SLC8A1: variants seen among roughly 807,000 people sequenced by gnomAD.
The protein encoded by SLC8A1 is sodium/calcium exchanger 1.
A neutral mutation model predicts 68.3 loss-of-function variants in SLC8A1; 18 were observed. That is an observed-to-expected ratio of 0.26 (90% CI 0.18 to 0.39). The LOEUF (loss-of-function observed/expected upper bound fraction) is 0.39. Ranked by LOEUF, SLC8A1 falls within the 10% of genes least tolerant of loss-of-function variation. SLC8A1 has a pLI of 1.00. For missense variants in SLC8A1, 985 were observed against 1,156.7 expected, an observed-to-expected ratio of 0.85 and a Z score of 2.15; for synonymous variants, 475 against 415.5, an observed-to-expected ratio of 1.14 and a Z score of -1.74.
At chr2:40,099,541 C>T (rs2033773531) in exon 8 of SLC8A1, 3 of 151,988 alleles carry the variant, frequency 2.0e-5, no homozygotes, top group African/African-American at 7.2e-5. Flanking sequence ...TTTTTGCCTC[C>T]CTTCTACCTG....
At chr2:40,498,502 A>G (rs1222659036) in intron 1 of SLC8A1, among the ~76,000 whole-genome samples, 2 of 152,114 alleles carry the variant, frequency 1.3e-5, no homozygotes, top group Admixed American at 1.3e-4. Context: ...GGGATCTAAA[A>G]CCTATCAGAC....
intron 2 of SLC8A1, among the ~76,000 whole-genome samples, chr2:40,245,036 G>A (rs1245096273): frequency 1.3e-5 from 2 of 152,156 alleles, no homozygotes; most frequent in Non-Finnish European, 2.9e-5. Flanking sequence ...TTACATAAAT[G>A]GCTATGTTAA....
At chr2:40,216,829 G>A (rs181948237) in intron 2 of SLC8A1, among the ~76,000 whole-genome samples, 18 of 152,180 alleles carry the variant, frequency 1.2e-4, no homozygotes, top group Admixed American at 7.9e-4. Context: ...CAGATCCTTC[G>A]CCCACTTTTT....
intron 6 of SLC8A1, among the ~76,000 whole-genome samples, chr2:40,144,360 C>G (rs931041075): frequency 6.6e-6 from 1 of 152,106 alleles, no homozygotes; most frequent in South Asian, 2.1e-4. Flanking sequence ...ATATGAAGAT[C>G]CTGAAGTTCA....
intron 2 of SLC8A1, among the ~76,000 whole-genome samples, chr2:40,398,877 C>A (rs1687825680): frequency 1.3e-5 from 2 of 152,194 alleles, no homozygotes; most frequent in South Asian, 4.1e-4. Context: ...TAGGAAGAAG[C>A]AACAGATTCT....
intron 2 of SLC8A1, among the ~76,000 whole-genome samples, chr2:40,253,250 T>C (rs924985940): frequency 4.0e-5 from 6 of 149,966 alleles, no homozygotes; most frequent in Non-Finnish European, 8.9e-5. Context: ...TATATACACA[T>C]ATGTATACAT....
intron 2 of SLC8A1, among the ~76,000 whole-genome samples, chr2:40,240,868 T>C (rs1296369527): frequency 2.0e-5 from 3 of 152,132 alleles, no homozygotes; most frequent in Non-Finnish European, 4.4e-5. Context: ...GACAGAATGA[T>C]ACCCCGACTC....
intron 1 of SLC8A1, among the ~76,000 whole-genome samples, chr2:40,491,654 A>G (rs1705322653): frequency 6.6e-6 from 1 of 152,124 alleles, no homozygotes; most frequent in South Asian, 2.1e-4. Context: ...GATACGTCCC[A>G]TCAATACCTA....
intron 1 of SLC8A1, among the ~76,000 whole-genome samples, chr2:40,472,896 G>A (rs1704072889): frequency 6.6e-6 from 1 of 152,134 alleles, no homozygotes; most frequent in South Asian, 2.1e-4. Context: ...CTGTTATTGT[G>A]GAGCTCATGG....
At chr2:40,430,854 G>C (rs77189383) in intron 1 of SLC8A1, among the ~76,000 whole-genome samples, 1 of 152,032 alleles carries the variant, frequency 6.6e-6, no homozygotes, top group Non-Finnish European at 1.5e-5. Flanking sequence ...TATCTTAAAC[G>C]CCAGAGAGCA....
intron 2 of SLC8A1, among the ~76,000 whole-genome samples, chr2:40,184,898 C>CAAAAAAAAAAAAA (rs66662572): frequency 2.8e-5 from 3 of 106,518 alleles, no homozygotes; most frequent in Non-Finnish European, 3.8e-5. Flanking sequence ...TAACCAAAAA[C>CAAAAAAAAAAAAA]AAAAAAAAAA....
intron 2 of SLC8A1, among the ~76,000 whole-genome samples, chr2:40,332,203 T>A (rs1575472052): frequency 6.6e-6 from 1 of 152,126 alleles, no homozygotes; most frequent in Non-Finnish European, 1.5e-5. Context: ...TTGAATGCCT[T>A]TCTAAATGTC....
intron 1 of SLC8A1, among the ~76,000 whole-genome samples, chr2:40,492,172 C>T (rs1455576179): frequency 1.3e-5 from 2 of 151,916 alleles, no homozygotes; most frequent in South Asian, 2.1e-4. Context: ...CAGAACAGAG[C>T]CCTCAGAAAT....
At chr2:40,314,365 C>G (rs1345095347) in intron 2 of SLC8A1, among the ~76,000 whole-genome samples, 2 of 151,914 alleles carry the variant, frequency 1.3e-5, no homozygotes, top group African/African-American at 4.8e-5. Context: ...TCACTTATTT[C>G]TATTTTTATG....
At chr2:40,302,615 A>T (rs2071737513) in intron 2 of SLC8A1, among the ~76,000 whole-genome samples, 4 of 150,344 alleles carry the variant, frequency 2.7e-5, no homozygotes, top group Admixed American at 1.3e-4. Context: ...TATATATATA[A>T]AACAATTTCT....
chr2:40,194,688 C>G (rs2052612893), intron 2 of SLC8A1, among the ~76,000 whole-genome samples: 1 of 151,942 alleles, frequency 6.6e-6, no homozygotes, highest in Non-Finnish European at 1.5e-5. Flanking sequence ...TTGTGTTAAG[C>G]AGATAGGAGC....
intron 6 of SLC8A1, among the ~76,000 whole-genome samples, chr2:40,144,396 A>C (rs1271972327): frequency 6.6e-6 from 1 of 152,182 alleles, no homozygotes; most frequent in Admixed American, 6.6e-5. Flanking sequence ...TTGCTAAAAT[A>C]ATCTCACACA....
intron 5 of SLC8A1, among the ~76,000 whole-genome samples, chr2:40,162,155 C>A (rs1436450972): frequency 6.6e-6 from 1 of 152,188 alleles, no homozygotes. Context: ...GACCTTTCAG[C>A]TTCCAGCTTT....
chr2:40,219,466 T>C (rs2057992164), intron 2 of SLC8A1, among the ~76,000 whole-genome samples: 1 of 152,222 alleles, frequency 6.6e-6, no homozygotes, highest in South Asian at 2.1e-4. Flanking sequence ...AAGAGCTCAT[T>C]GAAGACATTA....
Sources: gnomAD v4.1 joint callset for allele counts (sites outside exome capture counted in the v4.1 genomes callset) on GRCh38, gnomAD v4.1.1 for gene constraint, MANE v1.5 for transcripts, NCBI Gene and HGNC (gene_info 2026-07-23, HGNC 2026-07-21) for gene names.